Variants in CHN2 observed in about 807,000 individuals in gnomAD.
CHN2 encodes chimerin 2.
A neutral mutation model predicts 56.3 loss-of-function variants in CHN2; 35 were observed. The ratio of observed to expected loss-of-function variants is 0.62; its 90% CI spans 0.47 to 0.82. CHN2 has a LOEUF of 0.82. CHN2 is among the 40% of genes least tolerant of loss of function. The pLI is 0.00. For synonymous variants in CHN2, 210 were observed against 212.8 expected (o/e 0.99, Z 0.12); for missense variants, 491 against 580.5 (o/e 0.85, Z 1.58).
chr7:29,175,053 C>A (rs994522075), intron 2 of CHN2, among the ~76,000 whole-genome samples: 1 of 152,086 alleles, frequency 6.6e-6, no homozygotes, highest in Non-Finnish European at 1.5e-5. Flanking sequence ...TTGTAGCTCC[C>A]ATAATTCCCA....
intron 1 of CHN2, among the ~76,000 whole-genome samples, chr7:29,221,268 A>T (rs1785771087): frequency 1.3e-5 from 2 of 152,240 alleles, no homozygotes; most frequent in East Asian, 1.9e-4. Flanking sequence ...TCCACAAATG[A>T]TGTAATTATA....
intron 1 of CHN2, among the ~76,000 whole-genome samples, chr7:29,293,628 C>T (rs935801012): frequency 2.0e-5 from 3 of 152,110 alleles, no homozygotes; most frequent in Admixed American, 2.0e-4. Context: ...GTTTCAGGGC[C>T]TCCGAACTTG....
intron 3 of CHN2, 101 bp from the exon 4 acceptor site, chr7:29,393,578 A>G (rs1801515464): frequency 1.8e-6 from 1 of 551,790 alleles, no homozygotes; most frequent in African/African-American, 2.0e-5. Context: ...ATCTGTAATA[A>G]AATTACTACC....
At chr7:29,479,979 G>A (rs1458674517) in intron 6 of CHN2, 49 of 1,465,138 alleles carry the variant, frequency 3.3e-5, no homozygotes, top group Non-Finnish European at 4.0e-5. Flanking sequence ...GTCACATGCC[G>A]GAGGCTGCTG....
chr7:29,243,305 C>T (rs148038515), intron 1 of CHN2, among the ~76,000 whole-genome samples: 76 of 152,084 alleles, frequency 5.0e-4, no homozygotes, highest in African/African-American at 1.7e-3. Context: ...TGGCATTTTC[C>T]ACCCAATTTG....
chr7:29,281,041 C>G (rs1791667723), intron 1 of CHN2, among the ~76,000 whole-genome samples: 1 of 152,198 alleles, frequency 6.6e-6, no homozygotes, highest in Non-Finnish European at 1.5e-5. Flanking sequence ...ATAAAATACA[C>G]TGACCCACCT....
rs184063915 is a variant in CHN2, at chr7:29,325,677, G to A, written c.50-28948G>A. On this transcript the variant is annotated intron_variant, in intron 1 of 12. Transcript: ENST00000222792. ...TTGCAAAGCTGCTAACTCAGCCTAT[G>A]CAGTTGCAGGAGTGGGTGTGGCTTT... Among the ~76,000 whole-genome samples, 346 of 152,330 alleles carry A rather than the reference G, an allele frequency of 2.3e-3. 1 individual carries two copies. The highest frequency in any genetic ancestry group is 8.0e-3 in the African/African-American group (331 of 41,580).
At chr7:29,355,959 T>G (rs1798287629) in intron 2 of CHN2, among the ~76,000 whole-genome samples, 1 of 151,664 alleles carries the variant, frequency 6.6e-6, no homozygotes, top group African/African-American at 2.4e-5. Flanking sequence ...ATTTTTTGTA[T>G]TTTTATTAGA....
At chr7:29,349,586 T>C (rs1208027018) in intron 1 of CHN2, among the ~76,000 whole-genome samples, 1 of 152,242 alleles carries the variant, frequency 6.6e-6, no homozygotes, top group Non-Finnish European at 1.5e-5. Context: ...AGCAGAGCGA[T>C]GAACATCTTG....
intron 6 of CHN2, chr7:29,479,638 G>T (rs34114311): frequency 9.8e-7 from 1 of 1,021,512 alleles, no homozygotes; most frequent in Non-Finnish European, 1.2e-6. Context: ...CCAGGATGGG[G>T]TTCAGAGCCC....
At chr7:29,292,735 G>C (rs1792735948) in intron 1 of CHN2, 3 of 353,064 alleles carry the variant, frequency 8.5e-6, no homozygotes, top group South Asian at 4.3e-5. Context: ...TGTTGTATTG[G>C]TTTGGGGGGA....
chr7:29,391,635 C>G (rs939418369), intron 3 of CHN2, among the ~76,000 whole-genome samples: 1 of 152,166 alleles, frequency 6.6e-6, no homozygotes, highest in African/African-American at 2.4e-5. Context: ...AGAATCTTAT[C>G]TGGCATCTTT....
chr7:29,176,770 A>G (rs1797403178), intron 2 of CHN2, among the ~76,000 whole-genome samples: 1 of 152,226 alleles, frequency 6.6e-6, no homozygotes, highest in South Asian at 2.1e-4. Context: ...TGTTTAAAAA[A>G]CGAGATTGAG....
intron 1 of CHN2, among the ~76,000 whole-genome samples, chr7:29,235,478 C>T (rs1477318666): frequency 1.3e-5 from 2 of 152,184 alleles, no homozygotes; most frequent in Non-Finnish European, 1.5e-5. Context: ...TTGAAGATTT[C>T]TCAAAGAACT....
chr7:29,406,867 C>A (rs1378516859), intron 6 of CHN2, among the ~76,000 whole-genome samples: 3 of 152,184 alleles, frequency 2.0e-5, no homozygotes, highest in African/African-American at 7.2e-5. Context: ...AGAGGCTACT[C>A]CTCAGCCTAC....
At chr7:29,458,377 GCACACA>G (rs58364010) in intron 6 of CHN2, among the ~76,000 whole-genome samples, 4,738 of 135,940 alleles carry the variant, frequency 0.035, 82 homozygotes, top group Middle Eastern at 0.056. Context: ...GCATAGCTGT[GCACACA>G]CACACACACA....
intron 2 of CHN2, among the ~76,000 whole-genome samples, chr7:29,356,759 C>T (rs1002661001): frequency 6.6e-6 from 1 of 152,112 alleles, no homozygotes; most frequent in East Asian, 1.9e-4. Context: ...CTCTGTATTC[C>T]GATCTTCTAC....
chr7:29,211,314 G>A lies in CHN2; in HGVS notation c.49+16324G>A, dbSNP rs1222822054. 2.6e-5 allele frequency among the ~76,000 whole-genome samples: 4 copies of A among 151,688 alleles called. No homozygotes were observed. In the East Asian group the frequency reaches 5.8e-4, roughly 22 times the overall value. On this transcript the variant is annotated intron_variant, in intron 1 of 12. Transcript: ENST00000222792. ...GGGATGGTCTCGATCTCCTGACCTC[G>A]TGATCCGCCTGCCTCAGCCTCCCAA...
intron 2 of CHN2, among the ~76,000 whole-genome samples, chr7:29,358,786 G>C (rs1417284041): frequency 6.6e-6 from 1 of 152,088 alleles, no homozygotes; most frequent in Non-Finnish European, 1.5e-5. Context: ...TTAAGAAGCG[G>C]TTTCTACGTT....
Sources: allele counts gnomAD v4.1 joint callset (sites outside exome capture counted in the v4.1 genomes callset), GRCh38; gene constraint gnomAD v4.1.1; transcripts MANE v1.5; gene names NCBI Gene and HGNC (gene_info 2026-07-23, HGNC 2026-07-21).